The following SNX3 variants were observed in gnomAD, a reference collection of about 807,000 sequenced individuals.
The protein encoded by SNX3 is sorting nexin-3.
A neutral mutation model predicts 17.7 loss-of-function variants in SNX3; 5 were observed. The ratio of observed to expected loss-of-function variants is 0.28; its 90% confidence interval spans 0.15 to 0.59. The LOEUF (loss-of-function observed/expected upper bound fraction) is 0.59, where lower values mean the gene tolerates loss of function less well. Among genes scored for constraint, SNX3 ranks in the 20% least tolerant of loss-of-function variants. SNX3 has a pLI of 0.88. For synonymous variants in SNX3, 91 were observed against 76.5 expected (o/e 1.19, Z -0.99); for missense variants, 132 against 206.8 (o/e 0.64, Z 2.22).
chr6:108,257,771 CTGGTCAACA>C (rs1776072601), intron 1 of SNX3, among the ~76,000 whole-genome samples: 1 of 152,004 alleles, frequency 6.6e-6, no homozygotes, highest in Admixed American at 6.6e-5. Flanking sequence ...TGAGACCATC[CTGGTCAACA>C]TGGTGAAACC....
intron 1 of SNX3, among the ~76,000 whole-genome samples, chr6:108,250,187 A>G (rs1423232189): frequency 6.6e-6 from 1 of 152,208 alleles, no homozygotes; most frequent in Non-Finnish European, 1.5e-5. Flanking sequence ...CTGGAATTAC[A>G]GGAGTGAGCC....
intron 2 of SNX3, among the ~76,000 whole-genome samples, chr6:108,219,178 G>GT (rs1279529136): frequency 2.0e-5 from 3 of 151,496 alleles, no homozygotes; most frequent in Non-Finnish European, 2.9e-5. Context: ...GTGAAACCCC[G>GT]TCTCTACTAA....
chr6:108,229,246 C>T (rs573433013), intron 1 of SNX3, among the ~76,000 whole-genome samples: 6 of 126,612 alleles, frequency 4.7e-5, no homozygotes, highest in Admixed American at 9.8e-5. Flanking sequence ...GGCGACAGAG[C>T]GAGACTCCAC....
At chr6:108,245,559 T>A (rs1398352465) in intron 1 of SNX3, among the ~76,000 whole-genome samples, 1 of 152,214 alleles carries the variant, frequency 6.6e-6, no homozygotes, top group African/African-American at 2.4e-5. Flanking sequence ...TGAACTAATT[T>A]ACACTCCCAC....
intron 1 of SNX3, among the ~76,000 whole-genome samples, chr6:108,244,948 A>G (rs373201663): frequency 3.0e-4 from 46 of 152,122 alleles, no homozygotes; most frequent in African/African-American, 1.0e-3. Flanking sequence ...CCAAGAAAAT[A>G]AGAAATTTTC....
At chr6:108,235,768 T>C (rs1007699432) in intron 1 of SNX3, among the ~76,000 whole-genome samples, 8 of 152,108 alleles carry the variant, frequency 5.3e-5, no homozygotes, top group African/African-American at 1.7e-4. Flanking sequence ...TGGTGGTGCA[T>C]GCCTGTAGTC....
chr6:108,228,963 A>T (rs980000356), intron 1 of SNX3, among the ~76,000 whole-genome samples: 1 of 152,174 alleles, frequency 6.6e-6, no homozygotes, highest in African/African-American at 2.4e-5. Context: ...AATGTATGAC[A>T]TGTAAAAAGT....
At chr6:108,223,080 C>T (rs781520499) in intron 1 of SNX3, 35 bp from the exon 2 acceptor site, 5 of 1,198,064 alleles carry the variant, frequency 4.2e-6, no homozygotes, top group South Asian at 1.3e-5. Flanking sequence ...AATTGAAGCA[C>T]ATTAAGGAAA....
At chr6:108,245,040 C>T (rs1291458171) in intron 1 of SNX3, among the ~76,000 whole-genome samples, 1 of 152,056 alleles carries the variant, frequency 6.6e-6, no homozygotes, top group African/African-American at 2.4e-5. Context: ...TTTGCTGCAC[C>T]TATCAACCCG....
rs115102457 is a variant in SNX3, at chr6:108,221,444, C to T, written c.258+1506G>A. 2.0e-3 allele frequency among the ~76,000 whole-genome samples: 294 copies of T among 148,106 alleles called. 2 individuals carry two copies. Among genetic ancestry groups the T allele is most frequent in the African/African-American group, 6.8e-3 (275 of 40,278 alleles). On this transcript the variant is annotated intron_variant, in intron 2 of 3. Coordinates refer to ENST00000230085, the MANE Select transcript of SNX3 (RefSeq NM_003795.6). ...CCTGTAACTCCTAGAACACAAAGGA[C>T]GAGCTAAAATGTTTATAAAATAAAA...
At chr6:108,223,494 G>GTTTT (rs1562422738) in intron 1 of SNX3, among the ~76,000 whole-genome samples, 9 of 99,324 alleles carry the variant, frequency 9.1e-5, no homozygotes, top group African/African-American at 4.5e-4. Context: ...AACTTTGCTA[G>GTTTT]TTCTTTTTTT....
At chr6:108,242,194 T>C (rs949254647) in intron 1 of SNX3, among the ~76,000 whole-genome samples, 5 of 152,126 alleles carry the variant, frequency 3.3e-5, no homozygotes, top group Non-Finnish European at 5.9e-5. Context: ...ATCAGGGACC[T>C]GTAGGATACT....
At chr6:108,215,497 CT>C (rs1774540880) in intron 2 of SNX3, among the ~76,000 whole-genome samples, 1 of 152,154 alleles carries the variant, frequency 6.6e-6, no homozygotes, top group South Asian at 2.1e-4. Context: ...AGTCAACTTT[CT>C]CCCAAATGCC....
At chr6:108,241,042 T>TACTTGG (rs1775503222) in intron 1 of SNX3, among the ~76,000 whole-genome samples, 2 of 145,342 alleles carry the variant, frequency 1.4e-5, no homozygotes, top group African/African-American at 2.5e-5. Flanking sequence ...CTTGGGAGTC[T>TACTTGG]GAGACAAGAG....
At chr6:108,230,206 GA>G (rs1024875281) in intron 1 of SNX3, among the ~76,000 whole-genome samples, 5 of 151,948 alleles carry the variant, frequency 3.3e-5, no homozygotes, top group Non-Finnish European at 7.4e-5. Context: ...CTTACTTTAA[GA>G]TGACTAAAAC....
At chr6:108,216,650 CAAT>C (rs1197502612) in intron 2 of SNX3, among the ~76,000 whole-genome samples, 1 of 151,990 alleles carries the variant, frequency 6.6e-6, no homozygotes, top group Non-Finnish European at 1.5e-5. Context: ...TTCTTTTCAC[CAAT>C]AATACAAATT....
intron 1 of SNX3, among the ~76,000 whole-genome samples, chr6:108,229,036 G>A (rs571727566): frequency 4.6e-5 from 7 of 152,104 alleles, no homozygotes; most frequent in Admixed American, 2.0e-4. Flanking sequence ...GAGGCGGGTG[G>A]ATCACTTGAG....
chr6:108,215,836 G>A (rs543146767), intron 2 of SNX3, among the ~76,000 whole-genome samples: 2 of 152,246 alleles, frequency 1.3e-5, no homozygotes, highest in African/African-American at 2.4e-5. Context: ...GGAGGCGGAA[G>A]TGGGATGATC....
chr6:108,250,134 C>T (rs1775806370), intron 1 of SNX3, among the ~76,000 whole-genome samples: 1 of 152,116 alleles, frequency 6.6e-6, no homozygotes, highest in Admixed American at 6.6e-5. Flanking sequence ...TGGTCTTGAA[C>T]TCCTGACCTC....
Sources: allele counts gnomAD v4.1 joint callset (sites outside exome capture counted in the v4.1 genomes callset), GRCh38; gene constraint gnomAD v4.1.1; transcripts MANE v1.5; gene names NCBI Gene and HGNC (gene_info 2026-07-23, HGNC 2026-07-21).